Variants in MAP2 observed in about 807,000 individuals in gnomAD.
MAP2 encodes microtubule-associated protein 2.
MAP2 carries 14 observed loss-of-function variants against 137.6 expected under a neutral mutation model. The ratio of observed to expected loss-of-function variants is 0.10; its 90% CI spans 0.07 to 0.16. The LOEUF (loss-of-function observed/expected upper bound fraction) is 0.16. Among genes scored for constraint, MAP2 ranks in the 10% least tolerant of loss-of-function variants. MAP2 has a pLI of 1.00. For synonymous variants in MAP2, 786 were observed against 782.3 expected, an observed-to-expected ratio of 1.00 and a Z score of -0.08; for missense variants, 2,088 against 2,191.5, an observed-to-expected ratio of 0.95 and a Z score of 0.94.
At chr2:209,454,596 C>G (rs938934555) in intron 1 of MAP2, among the ~76,000 whole-genome samples, 3 of 152,124 alleles carry the variant, frequency 2.0e-5, no homozygotes, top group Non-Finnish European at 2.9e-5. Context: ...CTTGGCCTCT[C>G]AAAGTGCTGG....
At chr2:209,587,322 T>C (rs1006153323) in intron 3 of MAP2, among the ~76,000 whole-genome samples, 6 of 152,180 alleles carry the variant, frequency 3.9e-5, no homozygotes, top group Non-Finnish European at 8.8e-5. Context: ...CGGGTGACTC[T>C]GCTTAAAGCC....
chr2:209,635,199 A>G (rs55876240), intron 4 of MAP2, among the ~76,000 whole-genome samples: 75 of 152,292 alleles, frequency 4.9e-4, no homozygotes, highest in Non-Finnish European at 9.0e-4. Context: ...CATAGTGTCT[A>G]TTGCCATTCT....
At chr2:209,698,793 C>A (rs1160817480) in intron 10 of MAP2, among the ~76,000 whole-genome samples, 2 of 152,146 alleles carry the variant, frequency 1.3e-5, no homozygotes, top group Non-Finnish European at 2.9e-5. Context: ...AACTTAATAG[C>A]AAATTAATAG....
chr2:209,550,358 A>G (rs2068925516), intron 2 of MAP2, among the ~76,000 whole-genome samples: 1 of 152,178 alleles, frequency 6.6e-6, no homozygotes, highest in South Asian at 2.1e-4. Context: ...ATAAAGTAGT[A>G]TAATGTTTAC....
At chr2:209,452,459 ACAT>A (rs1700540759) in intron 1 of MAP2, among the ~76,000 whole-genome samples, 1 of 152,136 alleles carries the variant, frequency 6.6e-6, no homozygotes, top group South Asian at 2.1e-4. Flanking sequence ...GCATTTTTTC[ACAT>A]ACCTAGAAAA....
intron 4 of MAP2, 133 bp from the exon 5 acceptor site, chr2:209,653,009 A>G (rs186958530): frequency 1.0e-5 from 6 of 584,014 alleles, no homozygotes; most frequent in Middle Eastern, 2.8e-4. Flanking sequence ...GATATTAAAC[A>G]TAGGTTATTG....
intron 4 of MAP2, among the ~76,000 whole-genome samples, chr2:209,634,632 C>G (rs1243211522): frequency 6.6e-6 from 1 of 152,128 alleles, no homozygotes; most frequent in Non-Finnish European, 1.5e-5. Flanking sequence ...GAAATGTACT[C>G]TAGCTATATG....
intron 3 of MAP2, among the ~76,000 whole-genome samples, chr2:209,581,423 C>G (rs2076385942): frequency 6.6e-6 from 1 of 152,098 alleles, no homozygotes; most frequent in Non-Finnish European, 1.5e-5. Flanking sequence ...TAATACTAGT[C>G]TTGAGACACA....
At chr2:209,448,625 T>C (rs1436174523) in intron 1 of MAP2, among the ~76,000 whole-genome samples, 3 of 152,174 alleles carry the variant, frequency 2.0e-5, no homozygotes, top group East Asian at 1.9e-4. Context: ...TCCTTGCCTC[T>C]TCTAATTTCT....
chr2:209,514,554 C>T (rs759286812), intron 2 of MAP2, among the ~76,000 whole-genome samples: 2 of 152,078 alleles, frequency 1.3e-5, no homozygotes, highest in Non-Finnish European at 2.9e-5. Flanking sequence ...CAAAGAATAA[C>T]ACAGCTGATC....
Position 209,696,696 on chromosome 2 carries a change from A to C in MAP2, c.4335A>C (p.Val1445=), listed in dbSNP as rs767333832. The C allele has an allele frequency of 6.2e-7, 1 of 1,613,956 alleles. No homozygotes were observed. Among genetic ancestry groups the C allele is most frequent in the African/African-American group, 1.3e-5 (1 of 74,936 alleles). ...RGRISTPERK[V]AKKEPSTVSR... ...GAATTTCCACTCCTGAAAGAAAAGT[A>C]GCTAAAAAGGAACCTAGCACAGTCT... Residue 1445 remains valine, a synonymous_variant, in exon 9 of 16, where the codon GTA becomes GTC. Transcript: ENST00000682079.
At chr2:209,481,001 A>G (rs1047239810) in intron 1 of MAP2, among the ~76,000 whole-genome samples, 5 of 152,150 alleles carry the variant, frequency 3.3e-5, no homozygotes, top group Non-Finnish European at 1.5e-5. Context: ...AGGTACCAGT[A>G]CCTTCGAGGT....
intron 14 of MAP2, among the ~76,000 whole-genome samples, chr2:209,728,357 T>A (rs1334569847): frequency 6.6e-6 from 1 of 152,038 alleles, no homozygotes; most frequent in Non-Finnish European, 1.5e-5. Flanking sequence ...TCACAATCAA[T>A]AAGTGAGACC....
At chr2:209,643,083 T>G (rs986047650) in intron 4 of MAP2, among the ~76,000 whole-genome samples, 2 of 152,182 alleles carry the variant, frequency 1.3e-5, no homozygotes, top group African/African-American at 2.4e-5. Context: ...AAACCAATGT[T>G]TTTGATTGAA....
chr2:209,687,499 A>G (rs1216706252), intron 7 of MAP2, among the ~76,000 whole-genome samples: 1 of 152,076 alleles, frequency 6.6e-6, no homozygotes, highest in Non-Finnish European at 1.5e-5. Flanking sequence ...ATCAATGGCA[A>G]ACTTGCTTAA....
At chr2:209,424,342 A>G (rs1030347453) in intron 1 of MAP2, 66 bp downstream of exon 1, 3 of 152,332 alleles carry the variant, frequency 2.0e-5, no homozygotes, top group Non-Finnish European at 4.4e-5. Flanking sequence ...GTCTCTGAGT[A>G]GAAAGAGATA....
chr2:209,598,763 C>T (rs566567736), intron 3 of MAP2, among the ~76,000 whole-genome samples: 2,670 of 147,610 alleles, frequency 0.018, 40 homozygotes, highest in Middle Eastern at 0.038. Flanking sequence ...CATGTCCCTA[C>T]AAAGGACATG....
chr2:209,592,906 A>G (rs1435988838), intron 3 of MAP2, among the ~76,000 whole-genome samples: 1 of 152,162 alleles, frequency 6.6e-6, no homozygotes, highest in African/African-American at 2.4e-5. Context: ...TGGAACTTCC[A>G]GAACCTATAA....
chr2:209,599,763 G>A (rs974274161), intron 3 of MAP2, among the ~76,000 whole-genome samples: 1 of 151,958 alleles, frequency 6.6e-6, no homozygotes, highest in Non-Finnish European at 1.5e-5. Flanking sequence ...TTATAATGTA[G>A]TGGAATAATA....
Sources: gnomAD v4.1 joint callset for allele counts (sites outside exome capture counted in the v4.1 genomes callset) on GRCh38, gnomAD v4.1.1 for gene constraint, MANE v1.5 for transcripts, NCBI Gene and HGNC (gene_info 2026-07-23, HGNC 2026-07-21) for gene names.